Variants in ASTN1 observed in about 807,000 individuals in gnomAD.
ASTN1 encodes the protein astrotactin 1, also known as astrotactin-1.
ASTN1 carries 41 observed loss-of-function variants against 140.7 expected under a neutral mutation model. The observed-to-expected ratio is 0.29, with a 90% confidence interval of 0.23 to 0.38. ASTN1 has a LOEUF of 0.38. Ranked by LOEUF, ASTN1 falls within the 10% of genes least tolerant of loss-of-function variation. The pLI is 1.00. For synonymous variants in ASTN1, 640 were observed against 652.2 expected, an observed-to-expected ratio of 0.98 and a Z score of 0.29; for missense variants, 1,479 against 1,678.8, an observed-to-expected ratio of 0.88 and a Z score of 2.08.
At chr1:176,873,629 G>A (rs116078107) in intron 21 of ASTN1, among the ~76,000 whole-genome samples, 46 of 152,224 alleles carry the variant, frequency 3.0e-4, no homozygotes, top group Non-Finnish European at 5.6e-4. Flanking sequence ...AAAGCATATG[G>A]TATTTTGGTA....
At chr1:176,927,366 G>A (rs1474709323) in intron 16 of ASTN1, among the ~76,000 whole-genome samples, 2 of 152,108 alleles carry the variant, frequency 1.3e-5, no homozygotes, top group South Asian at 2.1e-4. Context: ...GTTGGCAAAG[G>A]TCAGATCTAA....
chr1:176,894,611 G>A lies in ASTN1; in HGVS notation c.2891C>T (p.Thr964Ile). Residue 964 changes from threonine to isoleucine, a missense_variant, in exon 17 of 23, where the codon ACC (threonine) becomes ATC (isoleucine). Transcript: ENST00000361833. ...TPAEPVLLEV[T>I]KAAPIYELVT... The stretch of plus-strand genomic sequence containing the variant: ...TAGTTCATAGATGGGGGCTGCTTTG[G>A]TCACCTCCAGCAGAACCGGCTCAGC... 1 of 1,614,060 alleles carries A rather than the reference G, an allele frequency of 6.2e-7. No individual in the cohort carries two copies. Among genetic ancestry groups the A allele is most frequent in the Non-Finnish European group, 8.5e-7 (1 of 1,180,024 alleles).
chr1:176,905,641 G>A (rs1669955320), intron 16 of ASTN1, among the ~76,000 whole-genome samples: 1 of 152,002 alleles, frequency 6.6e-6, no homozygotes, highest in South Asian at 2.1e-4. Context: ...GGAGCCACAG[G>A]CCCAAATAGA....
chr1:177,025,329 C>T (rs898511924), intron 5 of ASTN1, among the ~76,000 whole-genome samples: 4 of 152,164 alleles, frequency 2.6e-5, no homozygotes, highest in Admixed American at 1.3e-4. Flanking sequence ...TCTCCACAGT[C>T]CTGGAATCAT....
chr1:177,030,749 C>T, intron 4 of ASTN1, 57 bp downstream of exon 4: 2 of 1,603,064 alleles, frequency 1.2e-6, no homozygotes, highest in Non-Finnish European at 8.5e-7. Context: ...ATTAATGGCC[C>T]TGCCTCTACC....
chr1:177,078,511 T>C (rs2102070310), intron 1 of ASTN1, among the ~76,000 whole-genome samples: 1 of 152,262 alleles, frequency 6.6e-6, no homozygotes, highest in Non-Finnish European at 1.5e-5. Flanking sequence ...TGATCCTCTG[T>C]CACATATTAT....
intron 14 of ASTN1, among the ~76,000 whole-genome samples, chr1:176,943,241 G>A (rs533012736): frequency 6.6e-6 from 1 of 152,182 alleles, no homozygotes; most frequent in African/African-American, 2.4e-5. Flanking sequence ...CAGAGACACA[G>A]GCAAGCATAC....
chr1:177,073,693 C>T (rs919950965), intron 1 of ASTN1, among the ~76,000 whole-genome samples: 4 of 150,712 alleles, frequency 2.7e-5, no homozygotes, highest in Admixed American at 6.7e-5. Flanking sequence ...TTCCCTAGAG[C>T]AGAGTAATGT....
chr1:176,892,053 G>C (rs1669290689), intron 17 of ASTN1, among the ~76,000 whole-genome samples: 1 of 152,124 alleles, frequency 6.6e-6, no homozygotes, highest in African/African-American at 2.4e-5. Flanking sequence ...AGGGCCATAA[G>C]CATGAGAAAA....
chr1:176,876,418 C>G, intron 21 of ASTN1, 119 bp downstream of exon 21: 1 of 1,062,590 alleles, frequency 9.4e-7, no homozygotes. Context: ...CTTGAATTCT[C>G]CTTCCCTGCT....
chr1:176,898,645 G>C (rs889205247), intron 16 of ASTN1, among the ~76,000 whole-genome samples: 4 of 152,086 alleles, frequency 2.6e-5, no homozygotes, highest in Non-Finnish European at 5.9e-5. Flanking sequence ...GCTGATCTTT[G>C]ACCGTTGCTT....
chr1:176,966,785 T>C (rs1412184457), intron 8 of ASTN1, among the ~76,000 whole-genome samples: 2 of 151,898 alleles, frequency 1.3e-5, no homozygotes, highest in Non-Finnish European at 2.9e-5. Context: ...TAATGGAGCA[T>C]TAAAATATTT....
At chr1:176,869,198 AT>A (rs1668243480) in intron 21 of ASTN1, among the ~76,000 whole-genome samples, 171 bp from the exon 22 acceptor site, 1 of 151,876 alleles carries the variant, frequency 6.6e-6, no homozygotes, top group Non-Finnish European at 1.5e-5. Context: ...ATACATACAC[AT>A]ATATGTGCGT....
chr1:177,098,203 T>C (rs1013609754), intron 1 of ASTN1, among the ~76,000 whole-genome samples: 4 of 152,048 alleles, frequency 2.6e-5, no homozygotes, highest in African/African-American at 9.7e-5. Context: ...TGGGAATCTG[T>C]GGGGTCTCAT....
chr1:176,870,590 A>C (rs1013162381), intron 21 of ASTN1, among the ~76,000 whole-genome samples: 1 of 152,212 alleles, frequency 6.6e-6, no homozygotes, highest in Admixed American at 6.5e-5. Context: ...AATAGAACTT[A>C]AACCTTTGGA....
chr1:176,934,496 T>A (rs895985209), intron 15 of ASTN1, among the ~76,000 whole-genome samples, 156 bp from the exon 16 acceptor site: 21 of 152,212 alleles, frequency 1.4e-4, no homozygotes, highest in Non-Finnish European at 2.8e-4. Flanking sequence ...TCCATTTAGC[T>A]AAATGAGACA....
At chr1:177,036,658 G>C (rs1261417148) in intron 2 of ASTN1, among the ~76,000 whole-genome samples, 3 of 152,104 alleles carry the variant, frequency 2.0e-5, no homozygotes, top group Non-Finnish European at 4.4e-5. Context: ...TGCTTGAGCA[G>C]GTAGCACGTA....
At chr1:176,911,099 A>G (rs959294680) in intron 16 of ASTN1, among the ~76,000 whole-genome samples, 2 of 152,184 alleles carry the variant, frequency 1.3e-5, no homozygotes, top group African/African-American at 4.8e-5. Flanking sequence ...TCTGTAGGCA[A>G]TTGTAACACA....
chr1:177,019,898 TA>T (rs1675736465), intron 7 of ASTN1, among the ~76,000 whole-genome samples: 1 of 152,238 alleles, frequency 6.6e-6, no homozygotes, highest in Admixed American at 6.5e-5. Context: ...TTTATTTATT[TA>T]TTTGAGACAG....
Sources: gnomAD v4.1 joint callset for allele counts (sites outside exome capture counted in the v4.1 genomes callset) on GRCh38, gnomAD v4.1.1 for gene constraint, MANE v1.5 for transcripts, NCBI Gene and HGNC (gene_info 2026-07-23, HGNC 2026-07-21) for gene names.